PCSK6: variants seen among roughly 807,000 people sequenced by gnomAD.
PCSK6 encodes paired basic amino acid cleaving enzyme 4.
Under a neutral mutation model 123.3 loss-of-function variants are expected in PCSK6, and 85 were observed. The observed-to-expected ratio is 0.69, with a 90% CI of 0.58 to 0.83. The LOEUF (loss-of-function observed/expected upper bound fraction) is 0.83, where lower values mean the gene tolerates loss of function less well. Among genes scored for constraint, PCSK6 ranks in the 40% least tolerant of loss-of-function variants. The probability of loss-of-function intolerance (pLI) is 0.00; values close to 1 mark genes in which losing one functional copy is unlikely to be tolerated. For missense variants in PCSK6, 1,191 were observed against 1,282.3 expected (o/e 0.93, Z 1.09); for synonymous variants, 508 against 516.0 (o/e 0.98, Z 0.21).
chr15:101,436,653 C>G (rs1397715382), intron 2 of PCSK6, among the ~76,000 whole-genome samples: 1 of 152,184 alleles, frequency 6.6e-6, no homozygotes, highest in Non-Finnish European at 1.5e-5. Flanking sequence ...GTTATTCTCT[C>G]TGTGTGGGAG....
intron 20 of PCSK6, 150 bp from the exon 21 acceptor site, chr15:101,307,475 AC>A (rs2039752618): frequency 1.6e-6 from 1 of 615,790 alleles, no homozygotes; most frequent in Admixed American, 2.5e-5. Flanking sequence ...CCATTCCCTG[AC>A]ACAGGGGCTG....
intron 20 of PCSK6, among the ~76,000 whole-genome samples, chr15:101,309,696 C>G (rs1308654419): frequency 6.6e-6 from 1 of 152,250 alleles, no homozygotes; most frequent in Non-Finnish European, 1.5e-5. Context: ...CCCGCTGAGC[C>G]TGGGGGCAAG....
At chr15:101,359,556 AG>A (rs918479740) in intron 13 of PCSK6, among the ~76,000 whole-genome samples, 3 of 152,280 alleles carry the variant, frequency 2.0e-5, no homozygotes, top group African/African-American at 7.2e-5. Context: ...CTCAGGGCAC[AG>A]CAGGACCGGA....
chr15:101,382,051 C>T, intron 11 of PCSK6, 41 bp downstream of exon 11: 1 of 1,404,440 alleles, frequency 7.1e-7, no homozygotes, highest in East Asian at 2.4e-5. Context: ...GCTCCAAACC[C>T]ACGTGCCTGA....
intron 13 of PCSK6, among the ~76,000 whole-genome samples, chr15:101,344,083 AAAAT>A (rs1446862848): frequency 1.3e-5 from 2 of 151,906 alleles, no homozygotes; most frequent in Non-Finnish European, 1.5e-5. Context: ...CTCAAAAAAA[AAAAT>A]AAATAAATAA....
chr15:101,447,155 A>C (rs1001455037), intron 1 of PCSK6, among the ~76,000 whole-genome samples: 2 of 152,000 alleles, frequency 1.3e-5, no homozygotes, highest in Admixed American at 1.3e-4. Flanking sequence ...CTGACCTACC[A>C]CAGCAGGGTC....
chr15:101,380,323 C>A (rs1375482901), intron 11 of PCSK6, among the ~76,000 whole-genome samples: 1 of 152,216 alleles, frequency 6.6e-6, no homozygotes, highest in Non-Finnish European at 1.5e-5. Flanking sequence ...CATTCAGGAG[C>A]CGCCCTGACG....
chr15:101,341,810 A>G (rs2040614438), intron 13 of PCSK6, among the ~76,000 whole-genome samples: 1 of 152,196 alleles, frequency 6.6e-6, no homozygotes, highest in South Asian at 2.1e-4. Flanking sequence ...AATGGTAAGC[A>G]TGTCAGTAAA....
intron 10 of PCSK6, among the ~76,000 whole-genome samples, chr15:101,383,433 G>C (rs202144816): frequency 8.8e-6 from 1 of 112,996 alleles, no homozygotes; most frequent in Non-Finnish European, 1.9e-5. Flanking sequence ...AAAAAAAAAA[G>C]AAGTCAGGCA....
chr15:101,486,245 A>G (rs1156755919), intron 1 of PCSK6, among the ~76,000 whole-genome samples: 1 of 152,136 alleles, frequency 6.6e-6, no homozygotes, highest in Non-Finnish European at 1.5e-5. Context: ...ATGAGCCACC[A>G]TGCCCAGCCT....
intron 13 of PCSK6, among the ~76,000 whole-genome samples, chr15:101,343,813 G>C (rs183684751): frequency 2.0e-5 from 3 of 152,240 alleles, no homozygotes; most frequent in African/African-American, 7.2e-5. Flanking sequence ...TGTATTGGCC[G>C]GGCGCGGTGG....
At chr15:101,487,544 C>G (rs1422167866) in intron 1 of PCSK6, among the ~76,000 whole-genome samples, 1 of 151,874 alleles carries the variant, frequency 6.6e-6, no homozygotes, top group Non-Finnish European at 1.5e-5. Flanking sequence ...GGGAGAGTTA[C>G]CTGTGCCTCT....
intron 9 of PCSK6, among the ~76,000 whole-genome samples, chr15:101,384,764 T>C (rs1268567077): frequency 1.3e-5 from 2 of 152,226 alleles, no homozygotes; most frequent in Non-Finnish European, 2.9e-5. Context: ...GTTTATTAAA[T>C]ACTTGGGGTT....
chr15:101,438,625 C>T (rs2056670116), intron 2 of PCSK6, among the ~76,000 whole-genome samples: 1 of 152,248 alleles, frequency 6.6e-6, no homozygotes, highest in Non-Finnish European at 1.5e-5. Flanking sequence ...CCCATCGCCT[C>T]TCCTCTGGTT....
At chr15:101,442,286 A>G (rs2056774167) in intron 2 of PCSK6, among the ~76,000 whole-genome samples, 1 of 152,192 alleles carries the variant, frequency 6.6e-6, no homozygotes, top group Admixed American at 6.5e-5. Context: ...AATGTTTCAT[A>G]TCTATCTCGT....
chr15:101,425,359 C>T (rs1453657148), intron 6 of PCSK6, among the ~76,000 whole-genome samples: 1 of 152,182 alleles, frequency 6.6e-6, no homozygotes, highest in Non-Finnish European at 1.5e-5. Flanking sequence ...TCCCTCCAAG[C>T]CCACCTCTGG....
intron 19 of PCSK6, among the ~76,000 whole-genome samples, chr15:101,315,583 A>T (rs1175637014): frequency 6.6e-6 from 1 of 152,252 alleles, no homozygotes; most frequent in Non-Finnish European, 1.5e-5. Flanking sequence ...ACTAAAACAG[A>T]AAGCGTTTTC....
chr15:101,443,411 G>A (rs562144872), intron 2 of PCSK6, 145 bp downstream of exon 2: 8 of 595,640 alleles, frequency 1.3e-5, no homozygotes, highest in Admixed American at 6.3e-5. Context: ...GGTCTGATTC[G>A]TAGCTACACC....
chr15:101,488,404 C>T (rs912725639), intron 1 of PCSK6, among the ~76,000 whole-genome samples: 1 of 152,182 alleles, frequency 6.6e-6, no homozygotes, highest in Non-Finnish European at 1.5e-5. Context: ...AAAAAGGGAC[C>T]CGCCGGGAGG....
Sources: allele counts gnomAD v4.1 joint callset (sites outside exome capture counted in the v4.1 genomes callset), GRCh38; gene constraint gnomAD v4.1.1; transcripts MANE v1.5; gene names NCBI Gene and HGNC (gene_info 2026-07-23, HGNC 2026-07-21).